Variants in NAALADL2 observed in about 807,000 individuals in gnomAD.
The protein encoded by NAALADL2 is N-acetylated alpha-linked acidic dipeptidase like 2.
A neutral mutation model predicts 87.2 loss-of-function variants in NAALADL2; 76 were observed. The ratio of observed to expected loss-of-function variants is 0.87; its 90% CI spans 0.72 to 1.05. NAALADL2 has a LOEUF of 1.05. Ranked by LOEUF, NAALADL2 falls within the 50% of genes least tolerant of loss-of-function variation. NAALADL2 has a pLI of 0.00. For synonymous variants in NAALADL2, 354 were observed against 331.0 expected, an observed-to-expected ratio of 1.07 and a Z score of -0.75; for missense variants, 1,089 against 945.8, an observed-to-expected ratio of 1.15 and a Z score of -1.99.
chr3:175,071,117 C>T (rs73883335), intron 1 of NAALADL2, among the ~76,000 whole-genome samples: 3,433 of 151,958 alleles, frequency 0.023, 131 homozygotes, highest in African/African-American at 0.08. Context: ...CCAGTTAGTG[C>T]ACTGCAGGGG....
At chr3:174,527,202 A>G (rs1720845028) in intron 1 of NAALADL2, among the ~76,000 whole-genome samples, 1 of 152,274 alleles carries the variant, frequency 6.6e-6, no homozygotes, top group East Asian at 1.9e-4. Flanking sequence ...AAGAGTTAAG[A>G]AAACAGACAT....
chr3:175,140,203 T>C (rs759477021), intron 2 of NAALADL2, among the ~76,000 whole-genome samples: 1 of 152,254 alleles, frequency 6.6e-6, no homozygotes, highest in Middle Eastern at 3.4e-3. Flanking sequence ...AAGATTAAAT[T>C]AAATGCTGCA....
chr3:175,326,149 T>C (rs1487592623), intron 5 of NAALADL2, among the ~76,000 whole-genome samples: 1 of 152,256 alleles, frequency 6.6e-6, no homozygotes, highest in Non-Finnish European at 1.5e-5. Context: ...GTTTTTAAAT[T>C]CTACCTTCCA....
At chr3:175,639,315 A>ATTTTTTTTT (rs1728965438) in intron 11 of NAALADL2, among the ~76,000 whole-genome samples, 2 of 96,204 alleles carry the variant, frequency 2.1e-5, no homozygotes, top group African/African-American at 5.1e-5. Context: ...CAAAAGCGTT[A>ATTTTTTTTT]TTCTTTTTTT....
intron 2 of NAALADL2, among the ~76,000 whole-genome samples, chr3:174,618,621 G>A (rs1720709058): frequency 1.3e-5 from 2 of 151,786 alleles, no homozygotes; most frequent in Admixed American, 1.3e-4. Context: ...GTTACAGGCT[G>A]AGGAAGAGTG....
chr3:174,964,680 C>G (rs1343745300), intron 1 of NAALADL2, among the ~76,000 whole-genome samples: 3 of 151,932 alleles, frequency 2.0e-5, no homozygotes, highest in Non-Finnish European at 4.4e-5. Context: ...CAAGAACAGA[C>G]AATTAACTAC....
chr3:174,773,312 T>C (rs1171376408), intron 3 of NAALADL2, among the ~76,000 whole-genome samples: 2 of 152,182 alleles, frequency 1.3e-5, no homozygotes, highest in African/African-American at 4.8e-5. Context: ...TGTTAGTTAA[T>C]TGAGAGGTGT....
intron 3 of NAALADL2, among the ~76,000 whole-genome samples, chr3:174,772,447 T>A (rs1400568117): frequency 6.6e-6 from 1 of 152,166 alleles, no homozygotes; most frequent in African/African-American, 2.4e-5. Flanking sequence ...GGTGTTTTCC[T>A]TAAAGAATGA....
chr3:175,583,346 G>A (rs1490582110), intron 10 of NAALADL2, among the ~76,000 whole-genome samples: 2 of 152,144 alleles, frequency 1.3e-5, no homozygotes, highest in African/African-American at 2.4e-5. Context: ...ATCGTAAGTT[G>A]GAGACTGTCT....
chr3:174,689,012 A>T (rs575339522), intron 2 of NAALADL2, among the ~76,000 whole-genome samples: 1 of 152,134 alleles, frequency 6.6e-6, no homozygotes, highest in African/African-American at 2.4e-5. Flanking sequence ...CAAAAAAAAA[A>T]AATTATGTAA....
intron 1 of NAALADL2, among the ~76,000 whole-genome samples, chr3:174,443,184 T>C (rs1714793342): frequency 6.6e-6 from 1 of 152,214 alleles, no homozygotes; most frequent in African/African-American, 2.4e-5. Context: ...TTACTCTGCC[T>C]ACTGTATTGA....
intron 5 of NAALADL2, among the ~76,000 whole-genome samples, chr3:175,411,198 A>G (rs1324022753): frequency 2.0e-5 from 3 of 152,186 alleles, no homozygotes; most frequent in Admixed American, 2.0e-4. Context: ...TAAACTGTAC[A>G]GAGGAGGTGG....
chr3:175,057,797 G>A (rs1372118764), intron 1 of NAALADL2, among the ~76,000 whole-genome samples: 2 of 152,140 alleles, frequency 1.3e-5, no homozygotes, highest in Non-Finnish European at 2.9e-5. Context: ...CAATGTAAAC[G>A]GGACTTTCCA....
chr3:175,543,448 A>G (rs554259371), intron 9 of NAALADL2, among the ~76,000 whole-genome samples: 15 of 152,296 alleles, frequency 9.8e-5, no homozygotes, highest in African/African-American at 3.4e-4. Flanking sequence ...TCATACTGCT[A>G]TGAAGAAATA....
intron 1 of NAALADL2, among the ~76,000 whole-genome samples, chr3:174,988,388 A>G (rs896098520): frequency 1.3e-5 from 2 of 152,226 alleles, no homozygotes; most frequent in Non-Finnish European, 2.9e-5. Context: ...GTGTTTCATA[A>G]TCCTAACGGT....
chr3:174,662,071 AT>A lies in NAALADL2; in HGVS notation c.-114-75569del, dbSNP rs1372222457. Reference sequence around the variant, plus strand: ...AGATAGCCTCAGTTTCAGCTTCCTCATCTCTACTGTGGGATAAAAATAAAAT... The same window carrying A: ...AGATAGCCTCAGTTTCAGCTTCCTCACTCTACTGTGGGATAAAAATAAAAT... On this transcript the variant is annotated intron_variant, in intron 2 of 3. Transcript: ENST00000434257. Among the ~76,000 whole-genome samples the A allele has an allele frequency of 2.0e-5, 3 of 152,300 alleles. No individual in the cohort carries two copies. In the East Asian group the frequency reaches 5.8e-4, roughly 29 times the overall value.
intron 3 of NAALADL2, among the ~76,000 whole-genome samples, chr3:174,752,271 C>T (rs1033608875): frequency 5.3e-5 from 8 of 152,050 alleles, no homozygotes; most frequent in South Asian, 2.1e-4. Context: ...CCACCGCGCC[C>T]GGCCCAGATC....
chr3:175,345,490 T>G (rs1415472227), intron 5 of NAALADL2, among the ~76,000 whole-genome samples: 1 of 152,084 alleles, frequency 6.6e-6, no homozygotes, highest in African/African-American at 2.4e-5. Context: ...AATGAGCGTG[T>G]GATGCAAAGG....
At chr3:175,759,397 G>A (rs1747700645) in intron 13 of NAALADL2, among the ~76,000 whole-genome samples, 1 of 146,780 alleles carries the variant, frequency 6.8e-6, no homozygotes, top group South Asian at 2.2e-4. Context: ...TCGCTCTGTC[G>A]CCCAGGGTGG....
Sources: allele counts gnomAD v4.1 joint callset (sites outside exome capture counted in the v4.1 genomes callset), GRCh38; gene constraint gnomAD v4.1.1; transcripts MANE v1.5; gene names NCBI Gene and HGNC (gene_info 2026-07-23, HGNC 2026-07-21).